Variants in RBFOX1 observed in about 807,000 individuals in gnomAD.
RBFOX1 encodes the protein RNA binding fox-1 homolog 1.
In RBFOX1, 8 loss-of-function variants were observed where a neutral mutation model predicts 57.7. That is an observed-to-expected ratio of 0.14 (90% CI 0.08 to 0.25). The LOEUF is 0.25. RBFOX1 is among the 10% of genes least tolerant of loss of function. RBFOX1 has a pLI of 1.00. For synonymous variants in RBFOX1, 326 were observed against 222.4 expected, an observed-to-expected ratio of 1.47 and a Z score of -4.15; for missense variants, 611 against 548.5, an observed-to-expected ratio of 1.11 and a Z score of -1.14.
chr16:7,514,953 T>A (rs981832852), intron 4 of RBFOX1, among the ~76,000 whole-genome samples: 1 of 152,248 alleles, frequency 6.6e-6, no homozygotes, highest in Non-Finnish European at 1.5e-5. Flanking sequence ...TGTCTTCATA[T>A]GATCATTGTC....
At chr16:6,899,885 C>G (rs1416124369) in intron 3 of RBFOX1, among the ~76,000 whole-genome samples, 1 of 152,134 alleles carries the variant, frequency 6.6e-6, no homozygotes, top group Admixed American at 6.6e-5. Flanking sequence ...GTGAAGTTAA[C>G]AATGAGAGAG....
intron 4 of RBFOX1, among the ~76,000 whole-genome samples, chr16:7,149,322 A>G (rs1035893470): frequency 6.6e-6 from 1 of 152,066 alleles, no homozygotes; most frequent in African/African-American, 2.4e-5. Context: ...GATGCAGGGT[A>G]AAGAGTCAAG....
At chr16:6,814,437 A>G (rs1195761763) in intron 3 of RBFOX1, among the ~76,000 whole-genome samples, 2 of 152,176 alleles carry the variant, frequency 1.3e-5, no homozygotes, top group Non-Finnish European at 2.9e-5. Flanking sequence ...ATTGGGTGGT[A>G]GAAGCAGGTG....
intron 4 of RBFOX1, among the ~76,000 whole-genome samples, chr16:7,229,650 AGAGG>A (rs2093363988): frequency 2.2e-4 from 20 of 91,882 alleles, no homozygotes; most frequent in East Asian, 3.2e-4. Context: ...GAAGGGAGAG[AGAGG>A]GAGGAAGGGC....
chr16:6,828,463 G>A lies in RBFOX1; in HGVS notation c.-16+173813G>A, dbSNP rs2092407656. Among the ~76,000 whole-genome samples, 4 of 152,036 alleles carry A rather than the reference G, an allele frequency of 2.6e-5. No individual in the cohort carries two copies. The South Asian group carries it at 8.3e-4, about 32-fold the overall frequency. The stretch of plus-strand genomic sequence containing the variant: ...CACTTGAACCCAGGAGGAAGAGGTT[G>A]CAGTCAGTCGACATCACGCCATTGC... On this transcript the variant is annotated intron_variant, in intron 3 of 15. Transcript: ENST00000550418.
At chr16:5,536,095 G>GT (rs1555459279) in intron 2 of RBFOX1, among the ~76,000 whole-genome samples, 12 of 48,268 alleles carry the variant, frequency 2.5e-4, no homozygotes, top group African/African-American at 1.3e-3. Flanking sequence ...AAGTCATCAA[G>GT]CCCCCCCCCC....
intron 4 of RBFOX1, among the ~76,000 whole-genome samples, chr16:7,082,586 A>G (rs142896423): frequency 1.3e-3 from 204 of 152,250 alleles, no homozygotes; most frequent in African/African-American, 4.7e-3. Context: ...AAAAATTAAA[A>G]AAAGAAGGTT....
At chr16:7,012,563 C>G (rs1029032268) in intron 3 of RBFOX1, among the ~76,000 whole-genome samples, 6 of 152,294 alleles carry the variant, frequency 3.9e-5, no homozygotes, top group Middle Eastern at 3.4e-3. Context: ...TTTCCTTTCT[C>G]TCTTGTACAG....
chr16:5,737,921 T>C (rs893323663), intron 3 of RBFOX1, among the ~76,000 whole-genome samples: 9 of 152,206 alleles, frequency 5.9e-5, no homozygotes, highest in African/African-American at 7.2e-5. Flanking sequence ...GTTTGTTACA[T>C]AGGTACACAT....
chr16:7,387,593 G>C (rs1000509698), intron 4 of RBFOX1, among the ~76,000 whole-genome samples: 1 of 152,154 alleles, frequency 6.6e-6, no homozygotes, highest in Non-Finnish European at 1.5e-5. Flanking sequence ...CTTCAGAGAG[G>C]TTCTTCGAAT....
At chr16:6,571,138 A>T (rs2097339030) in intron 2 of RBFOX1, among the ~76,000 whole-genome samples, 1 of 152,182 alleles carries the variant, frequency 6.6e-6, no homozygotes, top group African/African-American at 2.4e-5. Context: ...AGTTGACATC[A>T]TTTCAGGCAT....
intron 4 of RBFOX1, among the ~76,000 whole-genome samples, chr16:5,874,453 A>G (rs1265800171): frequency 6.6e-6 from 1 of 152,118 alleles, no homozygotes; most frequent in Non-Finnish European, 1.5e-5. Context: ...TTTGCTCATC[A>G]TTGTCTAGCA....
At chr16:5,792,213 CACTGAAT>C (rs1234477291) in intron 3 of RBFOX1, among the ~76,000 whole-genome samples, 1 of 152,194 alleles carries the variant, frequency 6.6e-6, no homozygotes, top group African/African-American at 2.4e-5. Context: ...ATGCTGCTGG[CACTGAAT>C]GGCTTCTCTG....
rs546724586 is a variant in RBFOX1, at chr16:5,488,735, G to A, written c.258+21481G>A. 1.1e-4 allele frequency among the ~76,000 whole-genome samples: 16 copies of A among 150,798 alleles called. No homozygotes were observed. In the East Asian group the frequency reaches 3.2e-3, roughly 30 times the overall value. ...GGTGCTGGTGGGGTGCGATGGTGATGATAATGGAGGATTATAGTGATGATG... is the reference window on the plus strand; with the variant it reads ...GGTGCTGGTGGGGTGCGATGGTGATAATAATGGAGGATTATAGTGATGATG... On this transcript the variant is annotated intron_variant, in intron 2 of 2. Coordinates refer to the RBFOX1 transcript ENST00000585867.
intron 5 of RBFOX1, among the ~76,000 whole-genome samples, chr16:7,564,336 A>C (rs2091172923): frequency 6.6e-6 from 1 of 151,358 alleles, no homozygotes; most frequent in South Asian, 2.1e-4. Context: ...TCAGGAGTTC[A>C]AGACCAGAGT....
chr16:5,530,857 G>A (rs534461478), intron 2 of RBFOX1, among the ~76,000 whole-genome samples: 3 of 146,260 alleles, frequency 2.1e-5, no homozygotes, highest in Non-Finnish European at 4.5e-5. Context: ...GGAGGCCTAG[G>A]TGGGCGGATC....
At chr16:6,035,353 A>T (rs1348185682) in intron 1 of RBFOX1, among the ~76,000 whole-genome samples, 1 of 152,230 alleles carries the variant, frequency 6.6e-6, no homozygotes, top group African/African-American at 2.4e-5. Context: ...GATGGAGCAG[A>T]TGGGCTGCCC....
Position 6,762,448 on chromosome 16 carries a change from C to A in RBFOX1, c.-16+107798C>A, listed in dbSNP as rs547292892. Among the ~76,000 whole-genome samples, 5 of 152,168 alleles carry A rather than the reference C, an allele frequency of 3.3e-5. No homozygotes were observed. The South Asian group carries it at 1.0e-3, about 32-fold the overall frequency. On this transcript the variant is annotated intron_variant, in intron 3 of 15. Coordinates refer to ENST00000550418, the MANE Select transcript of RBFOX1 (RefSeq NM_018723.4). ...CCACCGACAATGAAATTATGGATTA[C>A]CTACCTGTAAGAACAAAAGAAAAGG...
rs993986922 is a variant in RBFOX1 at position 6,280,444 on chromosome 16, T to G, written c.-126-36551T>G. Among the ~76,000 whole-genome samples, 4 of 152,168 alleles carry G rather than the reference T, an allele frequency of 2.6e-5. No individual in the cohort carries two copies. The East Asian group carries it at 5.8e-4, about 22-fold the overall frequency. ...TAGTAGGAGAAAGATGGAGACAGATTGGAGACAAGTTGGCAATGAAGAGTG... is the reference window on the plus strand; with the variant it reads ...TAGTAGGAGAAAGATGGAGACAGATGGGAGACAAGTTGGCAATGAAGAGTG... On this transcript the variant is annotated intron_variant, in intron 1 of 15. Coordinates refer to ENST00000550418, the MANE Select transcript of RBFOX1 (RefSeq NM_018723.4).
Sources: allele counts gnomAD v4.1 joint callset (sites outside exome capture counted in the v4.1 genomes callset), GRCh38; gene constraint gnomAD v4.1.1; transcripts MANE v1.5; gene names NCBI Gene and HGNC (gene_info 2026-07-23, HGNC 2026-07-21).